The following GLIPR1L2 variants were observed in gnomAD, a reference collection of about 807,000 sequenced individuals.
GLIPR1L2 encodes GLIPR1-like protein 2.
In GLIPR1L2, 21 loss-of-function variants were observed where a neutral mutation model predicts 28.4. That is an observed-to-expected ratio of 0.74 (90% confidence interval 0.52 to 1.06). The LOEUF (loss-of-function observed/expected upper bound fraction) is 1.06. Ranked by LOEUF, GLIPR1L2 falls within the 50% of genes least tolerant of loss-of-function variation. The probability of loss-of-function intolerance (pLI) is 0.00; values close to 1 mark genes in which losing one functional copy is unlikely to be tolerated. For synonymous variants in GLIPR1L2, 145 were observed against 139.3 expected (o/e 1.04, Z -0.29); for missense variants, 476 against 416.9 (o/e 1.14, Z -1.23).
chr12:75,394,104 C>T (rs542227252), intron 1 of GLIPR1L2, among the ~76,000 whole-genome samples: 1 of 151,948 alleles, frequency 6.6e-6, no homozygotes, highest in Non-Finnish European at 1.5e-5. Context: ...CATTTTTTGG[C>T]CAACTTGTTA....
In GLIPR1L2 at chr12:75,425,679, A is replaced by G. The variant is rs574378407; in HGVS notation, c.670+2690A>G. Among the ~76,000 whole-genome samples, 3 of 152,362 alleles carry G rather than the reference A, an allele frequency of 2.0e-5. No individual in the cohort carries two copies. In the East Asian group the frequency reaches 5.8e-4, roughly 29 times the overall value. On this transcript the variant is annotated intron_variant, in intron 4 of 5. Coordinates refer to ENST00000550916, the MANE Select transcript of GLIPR1L2 (RefSeq NM_001270396.2). ...TTCTGAGATTCAAATGTAACCTGACATCACTTATTTTTATTTGCTAAATCT... is the reference window on the plus strand; with the variant it reads ...TTCTGAGATTCAAATGTAACCTGACGTCACTTATTTTTATTTGCTAAATCT...
At chr12:75,391,377 C>T (rs755850372) in intron 1 of GLIPR1L2, 27 bp downstream of exon 1, 1 of 1,606,670 alleles carries the variant, frequency 6.2e-7, no homozygotes, top group East Asian at 2.2e-5. Flanking sequence ...GTTTGCCGAC[C>T]CTTCCACTAC....
chr12:75,422,835 T>C, intron 3 of GLIPR1L2, 69 bp from the exon 4 acceptor site: 14 of 1,283,904 alleles, frequency 1.1e-5, no homozygotes, highest in Non-Finnish European at 1.5e-5. Flanking sequence ...TTAGTAACTA[T>C]ATTATTTAAA....
chr12:75,427,919 T>G (rs1424809778), intron 4 of GLIPR1L2, among the ~76,000 whole-genome samples: 1 of 152,218 alleles, frequency 6.6e-6, no homozygotes, highest in Non-Finnish European at 1.5e-5. Flanking sequence ...CAATTAAACC[T>G]CCTTTCTTTG....
At chr12:75,410,745 T>C (rs1384350803) in intron 2 of GLIPR1L2, 66 bp downstream of exon 2, 1 of 1,211,532 alleles carries the variant, frequency 8.3e-7, no homozygotes, top group Non-Finnish European at 1.1e-6. Context: ...GGTTTTATTA[T>C]GTTTCAAATT....
rs367854920 is a variant in GLIPR1L2 at position 75,429,338 on chromosome 12, A to G, written c.671-1377A>G. 3.9e-5 allele frequency among the ~76,000 whole-genome samples: 6 copies of G among 152,316 alleles called. No homozygotes were observed. The South Asian group carries it at 8.3e-4, about 21-fold the overall frequency. ...CTGTCCTGTTGGGTTTTGAACTTGC[A>G]TGGGGCCTGTAGCCCCTTTGTTTTG... On this transcript the variant is annotated intron_variant, in intron 4 of 5. Coordinates refer to ENST00000550916, the MANE Select transcript of GLIPR1L2 (RefSeq NM_001270396.2).
Position 75,431,861 on chromosome 12 carries a change from A to G in GLIPR1L2, c.*700A>G, listed in dbSNP as rs939771168. 7 of 152,120 alleles carry G rather than the reference A, an allele frequency of 4.6e-5. No homozygotes were observed. Among genetic ancestry groups the G allele is most frequent in the African/African-American group, 1.7e-4 (7 of 41,448 alleles). The allele number at this position is 152,120 out of a possible 1,614,324, so 9.4% of individuals were successfully genotyped here. A position where few individuals can be genotyped will look rare whatever the true frequency, so the allele number is the denominator to read the frequency against. ...GGTGCTTCCAAATTTATATGATAAA[A>G]TAAATAAATTTTTTAAAAACTATTA... On this transcript the variant is annotated 3_prime_UTR_variant, in exon 6 of 6. Transcript: ENST00000550916.
intron 1 of GLIPR1L2, among the ~76,000 whole-genome samples, chr12:75,400,243 C>T (rs1039609920): frequency 7.9e-5 from 12 of 152,098 alleles, no homozygotes; most frequent in African/African-American, 1.4e-4. Flanking sequence ...CTCAGCCTCC[C>T]GAGTAGCTGG....
chr12:75,391,206 GC>G lies in GLIPR1L2; in HGVS notation c.91del (p.Leu31CysfsTer10). ...GCGTTTTGAAGCTGCGGCTCTGTGA[GC>G]TGTGGCTACTGCTACTGGGTTCTAG... ...GGVLKLRLCE[L>X]WLLLLGSSLN... On this transcript the variant is annotated frameshift_variant, in exon 1 of 6. Coordinates refer to ENST00000550916, the MANE Select transcript of GLIPR1L2 (RefSeq NM_001270396.2). LOFTEE classifies it high-confidence loss of function. The G allele has an allele frequency of 6.2e-7, 1 of 1,614,242 alleles. No individual in the cohort carries two copies. The highest frequency in any genetic ancestry group is 8.5e-7 in the Non-Finnish European group (1 of 1,180,040).
Position 75,413,616 on chromosome 12 carries a change from T to TA in GLIPR1L2, c.500dup (p.Tyr167Ter). ...ATTTTAGCTTGTTTGGGACCACTCT[T>TA]ACAAAGTTGGTTGTGCTGTTACTCC... ...NYIQLVWDHSYKVGCAVTPCS... is the reference protein window; with the variant it reads ...NYIQLVWDHS The change falls in exon 3 of 6, where the codon TAC becomes TAAC. Residue 167 changes from tyrosine to a stop codon, truncating the protein, a stop_gained and frameshift_variant. Coordinates refer to ENST00000550916, the MANE Select transcript of GLIPR1L2 (RefSeq NM_001270396.2). LOFTEE classifies it high-confidence loss of function. 1 of 1,556,456 alleles carries TA rather than the reference T, an allele frequency of 6.4e-7. No homozygotes were observed. Among genetic ancestry groups the TA allele is most frequent in the South Asian group, 1.3e-5 (1 of 79,690 alleles).
intron 4 of GLIPR1L2, among the ~76,000 whole-genome samples, chr12:75,427,128 C>T (rs539461510): frequency 1.3e-5 from 2 of 152,106 alleles, no homozygotes; most frequent in Admixed American, 1.3e-4. Context: ...AGCTTGTTTC[C>T]TCATCATTTA....
intron 3 of GLIPR1L2, among the ~76,000 whole-genome samples, chr12:75,421,872 T>G (rs1175366138): frequency 6.6e-6 from 1 of 152,188 alleles, no homozygotes; most frequent in African/African-American, 2.4e-5. Context: ...TTTCAGAATT[T>G]TGTAAACTCT....
At chr12:75,398,735 AAAAG>A (rs2045709120) in intron 1 of GLIPR1L2, among the ~76,000 whole-genome samples, 2 of 152,288 alleles carry the variant, frequency 1.3e-5, no homozygotes, top group Middle Eastern at 3.4e-3. Context: ...CTTTTTTAAA[AAAAG>A]AAAGAACAGT....
intron 4 of GLIPR1L2, among the ~76,000 whole-genome samples, chr12:75,427,945 C>T (rs1292431603): frequency 3.9e-5 from 6 of 152,146 alleles, no homozygotes; most frequent in Non-Finnish European, 8.8e-5. Context: ...TATCCAGTCT[C>T]AGGTAGTTCT....
chr12:75,428,494 C>T (rs1446627952), intron 4 of GLIPR1L2, among the ~76,000 whole-genome samples: 4 of 151,040 alleles, frequency 2.6e-5, no homozygotes, highest in Admixed American at 2.0e-4. Flanking sequence ...GGAAAATTTG[C>T]AACCTGACCA....
Position 75,410,646 on chromosome 12 carries a change from C to A in GLIPR1L2, c.447C>A (p.Gly149=). The change falls in exon 2 of 6, where the codon GGC becomes GGA. Residue 149 remains glycine (G), a synonymous_variant. Coordinates refer to ENST00000550916, the MANE Select transcript of GLIPR1L2 (RefSeq NM_001270396.2). ...AGAAAATGTACAATTTTGAAAATGG[C>A]AGTTGCTCTGGAGACTGTTCTAATT... ...AEKKMYNFEN[G]SCSGDCSNYI... 1.2e-6 allele frequency: 2 copies of A among 1,609,522 alleles called. No individual in the cohort carries two copies. The highest frequency in any genetic ancestry group is 1.7e-6 in the Non-Finnish European group (2 of 1,176,724).
intron 3 of GLIPR1L2, among the ~76,000 whole-genome samples, chr12:75,420,593 T>C (rs2045967292): frequency 6.6e-6 from 1 of 151,946 alleles, no homozygotes; most frequent in Admixed American, 6.6e-5. Context: ...GTCTGCTTCT[T>C]AGAAAATGCA....
intron 1 of GLIPR1L2, among the ~76,000 whole-genome samples, chr12:75,398,485 G>C (rs2045706239): frequency 6.6e-6 from 1 of 151,978 alleles, no homozygotes. Context: ...TTAGAAGATT[G>C]TGTCTTAGCT....
Position 75,413,232 on chromosome 12 carries a change from T to G in GLIPR1L2, c.481-366T>G, listed in dbSNP as rs894809865. 2.6e-5 allele frequency among the ~76,000 whole-genome samples: 4 copies of G among 151,560 alleles called. 1 individual carries two copies. Among genetic ancestry groups the G allele is most frequent in the Admixed American group, 2.0e-4 (3 of 15,196 alleles). ...AAGGGGGAGGGATAGCATTAGGAGA[T>G]ATACCTAATGCTAAATGATGAGTTA... On this transcript the variant is annotated intron_variant, in intron 2 of 5. Transcript: ENST00000550916.
Sources: allele counts gnomAD v4.1 joint callset (sites outside exome capture counted in the v4.1 genomes callset), GRCh38; gene constraint gnomAD v4.1.1; transcripts MANE v1.5; gene names NCBI Gene and HGNC (gene_info 2026-07-23, HGNC 2026-07-21).